The following SORD variants were observed in gnomAD, a reference collection of about 807,000 sequenced individuals.
SORD encodes (R,R)-butanediol dehydrogenase.
A neutral mutation model predicts 35.6 loss-of-function variants in SORD; 18 were observed. The observed-to-expected ratio is 0.51, with a 90% CI of 0.35 to 0.75. SORD has a LOEUF of 0.75. SORD is among the 30% of genes least tolerant of loss of function. The pLI is 0.01. For synonymous variants in SORD, 106 were observed against 152.9 expected, an observed-to-expected ratio of 0.69 and a Z score of 2.26; for missense variants, 250 against 390.2, an observed-to-expected ratio of 0.64 and a Z score of 3.03.
In SORD at chr15:45,071,438, T is replaced by C. The variant is rs1035490745; in HGVS notation, c.787-879T>C. On this transcript the variant is annotated intron_variant, in intron 7 of 8. Transcript: ENST00000267814. Reference sequence around the variant, plus strand: ...CAGGCCTGTCTCCATGGTGTATCCATCTCAGAAGTGGAGGCTATGATCGTG... The same window carrying C: ...CAGGCCTGTCTCCATGGTGTATCCACCTCAGAAGTGGAGGCTATGATCGTG... 2.0e-5 allele frequency among the ~76,000 whole-genome samples: 3 copies of C among 152,108 alleles called. 1 individual carries two copies. The highest frequency in any genetic ancestry group is 7.2e-5 in the African/African-American group (3 of 41,414).
chr15:45,053,538 T>C (rs1023588999), intron 3 of SORD, among the ~76,000 whole-genome samples: 1 of 152,234 alleles, frequency 6.6e-6, no homozygotes, highest in Admixed American at 6.5e-5. Context: ...ATTTACACAG[T>C]AGACCATTTG....
At chr15:45,038,495 G>A (rs1224552012) in intron 1 of SORD, among the ~76,000 whole-genome samples, 1 of 152,134 alleles carries the variant, frequency 6.6e-6, no homozygotes, top group Non-Finnish European at 1.5e-5. Context: ...AGGAGAAGAG[G>A]TTCAAATTAG....
chr15:45,035,294 C>T (rs556780100), intron 1 of SORD, among the ~76,000 whole-genome samples: 2 of 152,320 alleles, frequency 1.3e-5, no homozygotes, highest in East Asian at 3.9e-4. Flanking sequence ...GCCAGCTGGG[C>T]TCCTGAGTCT....
chr15:45,024,508 TAG>T (rs1159966092), intron 1 of SORD, among the ~76,000 whole-genome samples: 1 of 152,106 alleles, frequency 6.6e-6, no homozygotes, highest in Non-Finnish European at 1.5e-5. Context: ...TAGGTTTTGT[TAG>T]TTAACAGAGC....
intron 8 of SORD, among the ~76,000 whole-genome samples, chr15:45,072,641 T>G (rs112979942): frequency 0.012 from 1,760 of 147,166 alleles, 187 homozygotes; most frequent in African/African-American, 0.044. Flanking sequence ...GAAGGATGGA[T>G]GGAGGGAGGG....
intron 3 of SORD, among the ~76,000 whole-genome samples, chr15:45,049,454 A>G (rs1185098393): frequency 6.6e-6 from 1 of 152,178 alleles, no homozygotes; most frequent in African/African-American, 2.4e-5. Context: ...CTAGGCGAGA[A>G]AAAACAATGT....
At chr15:45,028,222 G>A (rs2141262004) in intron 1 of SORD, among the ~76,000 whole-genome samples, 1 of 152,346 alleles carries the variant, frequency 6.6e-6, no homozygotes, top group South Asian at 2.1e-4. Context: ...CAGCTACTCA[G>A]GAGGCTGAGG....
chr15:45,032,513 C>T (rs1419149261), intron 1 of SORD, among the ~76,000 whole-genome samples: 3 of 151,986 alleles, frequency 2.0e-5, no homozygotes, highest in African/African-American at 4.8e-5. Flanking sequence ...TTCCCACCTC[C>T]TGCGGGATCT....
chr15:45,073,531 T>G lies in SORD; in HGVS notation c.*1T>G. On this transcript the variant is annotated 3_prime_UTR_variant, in exon 9 of 9. Transcript: ENST00000267814. ...TGACCCCAGTGACCAGAATCCCTGATGTTAATGGGCTCTGCCCTCATCCCC... is the reference window on the plus strand; with the variant it reads ...TGACCCCAGTGACCAGAATCCCTGAGGTTAATGGGCTCTGCCCTCATCCCC... 6.3e-7 allele frequency: 1 copy of G among 1,592,992 alleles called. No homozygotes were observed. The highest frequency in any genetic ancestry group is 8.5e-7 in the Non-Finnish European group (1 of 1,173,268).
At chr15:45,067,421 G>T (rs1423077030) in intron 5 of SORD, among the ~76,000 whole-genome samples, 1 of 152,180 alleles carries the variant, frequency 6.6e-6, no homozygotes, top group African/African-American at 2.4e-5. Flanking sequence ...GTAATTTTTA[G>T]TAGCCATGTA....
chr15:45,069,164 T>C (rs1400206232), intron 7 of SORD, 112 bp downstream of exon 7: 13 of 538,748 alleles, frequency 2.4e-5, no homozygotes, highest in Middle Eastern at 5.2e-4. Flanking sequence ...GCCAAACTTA[T>C]TCATCTTTTG....
chr15:45,071,265 G>A (rs1039830015), intron 7 of SORD, among the ~76,000 whole-genome samples: 1 of 152,196 alleles, frequency 6.6e-6, no homozygotes, highest in Non-Finnish European at 1.5e-5. Context: ...CTCACCACCA[G>A]GTAGAGAGGA....
intron 1 of SORD, among the ~76,000 whole-genome samples, chr15:45,026,470 A>G (rs1289068053): frequency 6.6e-6 from 1 of 152,180 alleles, no homozygotes; most frequent in Non-Finnish European, 1.5e-5. Flanking sequence ...CTTTTGATGT[A>G]AGACCACCAG....
intron 4 of SORD, among the ~76,000 whole-genome samples, chr15:45,061,664 G>A (rs534496645): frequency 6.6e-6 from 1 of 151,790 alleles, no homozygotes; most frequent in Non-Finnish European, 1.5e-5. Flanking sequence ...TTAGGAGATC[G>A]AGACCTTCCT....
chr15:45,041,065 G>C (rs1391923469), intron 2 of SORD, among the ~76,000 whole-genome samples: 1 of 152,172 alleles, frequency 6.6e-6, no homozygotes, highest in African/African-American at 2.4e-5. Flanking sequence ...CTCCTTCTAG[G>C]CCTCTCACTT....
At chr15:45,034,000 G>A (rs1243809178) in intron 1 of SORD, among the ~76,000 whole-genome samples, 2 of 152,108 alleles carry the variant, frequency 1.3e-5, no homozygotes, top group Non-Finnish European at 1.5e-5. Context: ...CTGTTCTCTT[G>A]GGGCGCTGTG....
intron 1 of SORD, among the ~76,000 whole-genome samples, chr15:45,040,084 G>A (rs1054513764): frequency 7.9e-5 from 12 of 151,986 alleles, no homozygotes; most frequent in Admixed American, 3.3e-4. Context: ...GGAACCCAGC[G>A]TCAGAACTTC....
chr15:45,047,148 A>C (rs1246061306), intron 3 of SORD: 1 of 152,236 alleles, frequency 6.6e-6, no homozygotes, highest in African/African-American at 2.4e-5. Flanking sequence ...AAAGAGTAGA[A>C]CAAGGAGTAT....
At chr15:45,023,441 C>A (rs1196425700) in intron 1 of SORD, 92 bp downstream of exon 1, 1 of 1,139,892 alleles carries the variant, frequency 8.8e-7, no homozygotes, top group Non-Finnish European at 1.2e-6. Flanking sequence ...TCCAGCCTGG[C>A]GCCGGCCCCG....
Sources: gnomAD v4.1 joint callset for allele counts (sites outside exome capture counted in the v4.1 genomes callset) on GRCh38, gnomAD v4.1.1 for gene constraint, MANE v1.5 for transcripts, NCBI Gene and HGNC (gene_info 2026-07-23, HGNC 2026-07-21) for gene names.